HEYL: variants seen among roughly 807,000 people sequenced by gnomAD.
The protein encoded by HEYL is hairy/enhancer-of-split related with YRPW motif-like protein.
A neutral mutation model predicts 18.6 loss-of-function variants in HEYL; 12 were observed. The observed-to-expected ratio is 0.65, with a 90% CI of 0.41 to 1.05. HEYL has a LOEUF of 1.05. Among genes scored for constraint, HEYL ranks in the 50% least tolerant of loss-of-function variants. The pLI is 0.00. For missense variants in HEYL, 420 were observed against 444.7 expected, an observed-to-expected ratio of 0.94 and a Z score of 0.50; for synonymous variants, 159 against 179.6, an observed-to-expected ratio of 0.89 and a Z score of 0.91.
At chr1:39,630,720 C>G (rs1419558874) in intron 3 of HEYL, among the ~76,000 whole-genome samples, 1 of 152,228 alleles carries the variant, frequency 6.6e-6, no homozygotes, top group Non-Finnish European at 1.5e-5. Flanking sequence ...ACCAGCTCTT[C>G]AGGGAATCCA....
At chr1:39,632,964 G>T in intron 1 of HEYL, 1 of 983,046 alleles carries the variant, frequency 1.0e-6, no homozygotes, top group Non-Finnish European at 1.2e-6. Flanking sequence ...CCCTCGCGGC[G>T]GCCGTCGGGG....
intron 1 of HEYL, among the ~76,000 whole-genome samples, chr1:39,638,619 G>T (rs1646371782): frequency 6.6e-6 from 1 of 152,158 alleles, no homozygotes; most frequent in African/African-American, 2.4e-5. Context: ...GAAACCAATG[G>T]CCCAAGACCA....
intron 2 of HEYL, among the ~76,000 whole-genome samples, chr1:39,632,182 A>T (rs563503124): frequency 1.1e-4 from 16 of 152,346 alleles, no homozygotes; most frequent in African/African-American, 3.1e-4. Context: ...CTGGACTCCC[A>T]GTGCAGAAAC....
rs763815500 is a variant in HEYL at position 39,626,037 on chromosome 1, C to G, written c.*470G>C. 6.4e-6 allele frequency: 1 copy of G among 156,120 alleles called. No individual in the cohort carries two copies. Among genetic ancestry groups the G allele is most frequent in the African/African-American group, 2.4e-5 (1 of 41,578 alleles). The allele number at this position is 156,120 out of a possible 1,614,324, so 9.7% of individuals were successfully genotyped here. ...CTGCTCAGTTACTATCTCCAGGAAG[C>G]GAGGCAGACACTATGTTCCAGCCTC... On this transcript the variant is annotated 3_prime_UTR_variant, in exon 5 of 5. Transcript: ENST00000372852.
intron 3 of HEYL, among the ~76,000 whole-genome samples, chr1:39,631,083 C>A (rs1646330479): frequency 6.6e-6 from 1 of 152,248 alleles, no homozygotes; most frequent in South Asian, 2.1e-4. Context: ...AGAGTGCTCA[C>A]TCCCTGAGCA....
rs1646296363 is a variant in HEYL, at chr1:39,626,285, GC to G, written c.*221del. 1 of 532,186 alleles carries G rather than the reference GC, an allele frequency of 1.9e-6. No homozygotes were observed. The highest frequency in any genetic ancestry group is 2.0e-5 in the African/African-American group (1 of 51,006). The allele number at this position is 532,186 out of a possible 1,614,324, so 33.0% of individuals were successfully genotyped here. A position where few individuals can be genotyped will look rare whatever the true frequency, so the allele number is the denominator to read the frequency against. On this transcript the variant is annotated 3_prime_UTR_variant, in exon 5 of 5. Transcript: ENST00000372852. Reference sequence around the variant, plus strand: ...CTGTTCAGGTGAGAAATGGAACCAAGCCTCTGAGACCAGAACAGCTCCAGGA... The same window carrying G: ...CTGTTCAGGTGAGAAATGGAACCAAGCTCTGAGACCAGAACAGCTCCAGGA...
rs139605272 is a variant in HEYL, at chr1:39,631,567, G to A, written c.160C>T (p.Arg54Trp). The change falls in exon 3 of 5, where the codon CGG (arginine) becomes TGG (tryptophan). Residue 54 changes from arginine to tryptophan, a missense_variant. Arg to Trp is a moderately radical substitution (Grantham distance 101). Transcript: ENST00000372852. ...RKKHRGIIEK[R>W]RRDRINSSLS... ...CTACTGTTGATGCGGTCTCGACGCC[G>A]TTTCTCTATGATCTAAACAATCATG... 73 of 1,614,038 alleles carry A rather than the reference G, an allele frequency of 4.5e-5. No homozygotes were observed. Among genetic ancestry groups the A allele is most frequent in the African/African-American group, 2.1e-4 (16 of 75,054 alleles).
At chr1:39,631,414 T>G in intron 3 of HEYL, 82 bp downstream of exon 3, 1 of 1,146,930 alleles carries the variant, frequency 8.7e-7, no homozygotes, top group Non-Finnish European at 1.3e-6. Context: ...CTGCTACCAA[T>G]CAACAAGAGA....
intron 1 of HEYL, 88 bp from the exon 2 acceptor site, chr1:39,632,803 C>A (rs1239520468): frequency 6.3e-7 from 1 of 1,579,728 alleles, no homozygotes; most frequent in African/African-American, 1.4e-5. Context: ...GAGCCACAGG[C>A]TGGGCCTAGA....
intron 3 of HEYL, 119 bp downstream of exon 3, chr1:39,631,377 G>T: frequency 2.5e-6 from 2 of 801,832 alleles, no homozygotes; most frequent in East Asian, 2.6e-5. Context: ...GACAGATATT[G>T]GTAAATGATC....
In HEYL at chr1:39,626,044, GAC is replaced by G. The variant is rs1646294881; in HGVS notation, c.*461_*462del. ...GTTACTATCTCCAGGAAGCGAGGCA[GAC>G]ACTATGTTCCAGCCTCTTGGCGTGG... On this transcript the variant is annotated 3_prime_UTR_variant, in exon 5 of 5. Coordinates refer to ENST00000372852, the MANE Select transcript of HEYL (RefSeq NM_014571.4). The G allele has an allele frequency of 6.3e-6, 1 of 157,672 alleles. No individual in the cohort carries two copies. The highest frequency in any genetic ancestry group is 2.4e-5 in the African/African-American group (1 of 41,674). 9.8% of individuals were successfully genotyped at this position (157,672 alleles called of 1,614,324 possible).
chr1:39,627,494 T>C (rs1472623728), intron 4 of HEYL, among the ~76,000 whole-genome samples: 1 of 152,252 alleles, frequency 6.6e-6, no homozygotes, highest in African/African-American at 2.4e-5. Flanking sequence ...ATAACTTCAT[T>C]GAAGTAGATA....
At chr1:39,638,284 T>C (rs374493172) in intron 1 of HEYL, among the ~76,000 whole-genome samples, 117 of 152,278 alleles carry the variant, frequency 7.7e-4, no homozygotes, top group African/African-American at 2.8e-3. Context: ...CAAAATGTCC[T>C]CAAAAACATC....
chr1:39,634,549 C>T (rs1432312714), intron 1 of HEYL, among the ~76,000 whole-genome samples: 1 of 152,168 alleles, frequency 6.6e-6, no homozygotes, highest in Non-Finnish European at 1.5e-5. Flanking sequence ...AGCCTAGGTC[C>T]ACCATCTTTG....
At chr1:39,633,162 G>A in intron 1 of HEYL, 2 of 974,854 alleles carry the variant, frequency 2.1e-6, no homozygotes, top group Non-Finnish European at 2.4e-6. Context: ...CCGGCCGCCC[G>A]CCCTCCGCCC....
At chr1:39,633,199 G>A in intron 1 of HEYL, 1 of 808,942 alleles carries the variant, frequency 1.2e-6, no homozygotes, top group Middle Eastern at 6.2e-4. Flanking sequence ...CTCCTCCCAC[G>A]CGGTGCGGCC....
intron 1 of HEYL, among the ~76,000 whole-genome samples, chr1:39,635,176 C>A (rs530403072): frequency 3.3e-5 from 5 of 152,310 alleles, no homozygotes; most frequent in African/African-American, 1.2e-4. Flanking sequence ...GACAAGCCGA[C>A]CTGGTAAGAG....
chr1:39,630,486 A>C (rs1334100508), intron 3 of HEYL, among the ~76,000 whole-genome samples, 178 bp from the exon 4 acceptor site: 1 of 152,144 alleles, frequency 6.6e-6, no homozygotes, highest in Non-Finnish European at 1.5e-5. Flanking sequence ...TTCTCCTCTC[A>C]GACCATCTGT....
intron 4 of HEYL, among the ~76,000 whole-genome samples, chr1:39,629,575 A>G (rs1400291171): frequency 1.3e-5 from 2 of 152,204 alleles, no homozygotes; most frequent in African/African-American, 4.8e-5. Flanking sequence ...TCTGGAACTT[A>G]GGTCTTTGTG....
Sources: gnomAD v4.1 joint callset for allele counts (sites outside exome capture counted in the v4.1 genomes callset) on GRCh38, gnomAD v4.1.1 for gene constraint, MANE v1.5 for transcripts, NCBI Gene and HGNC (gene_info 2026-07-23, HGNC 2026-07-21) for gene names.